The following AFG2A variants were observed in gnomAD, a reference collection of about 807,000 sequenced individuals.
AFG2A encodes the protein ATPase family gene 2 protein homolog A.
chr4:123,277,703 C>T, the AFG2A span, among the ~76,000 whole-genome samples: 1 of 152,056 alleles, frequency 6.6e-6, no homozygotes, highest in Non-Finnish European at 1.5e-5. Flanking sequence ...TGAATTTTAT[C>T]AAAAACGTTT....
chr4:123,169,652 T>C, the AFG2A span, among the ~76,000 whole-genome samples: 2 of 152,160 alleles, frequency 1.3e-5, no homozygotes, highest in African/African-American at 2.4e-5. Context: ...CTAATTTTTT[T>C]GTATTTTTAA....
At chr4:123,073,187 G>GA in the AFG2A span, among the ~76,000 whole-genome samples, 2 of 148,440 alleles carry the variant, frequency 1.3e-5, no homozygotes, top group East Asian at 3.9e-4. Flanking sequence ...TTTTTAAACT[G>GA]AAAAAAAATA....
At chr4:123,260,414 A>T in the AFG2A span, among the ~76,000 whole-genome samples, 111 of 152,336 alleles carry the variant, frequency 7.3e-4, no homozygotes, top group African/African-American at 2.4e-3. Flanking sequence ...CTTGACATTT[A>T]AAAAATCACC....
At chr4:123,069,548 A>G in the AFG2A span, among the ~76,000 whole-genome samples, 1 of 152,202 alleles carries the variant, frequency 6.6e-6, no homozygotes, top group Non-Finnish European at 1.5e-5. Context: ...TAGATTCAAG[A>G]AACCAAAGAA....
At chr4:123,061,361 G>A in the AFG2A span, among the ~76,000 whole-genome samples, 30 of 152,280 alleles carry the variant, frequency 2.0e-4, no homozygotes, top group African/African-American at 6.7e-4. Context: ...AAATACCCAA[G>A]ACTGGATAAT....
chr4:123,046,109 GA>G, the AFG2A span, among the ~76,000 whole-genome samples: 3 of 150,694 alleles, frequency 2.0e-5, no homozygotes, highest in Non-Finnish European at 3.0e-5. Flanking sequence ...AAAAAAAAAA[GA>G]AAGAAAGAAA....
chr4:123,095,288 C>T, the AFG2A span, among the ~76,000 whole-genome samples: 1 of 151,782 alleles, frequency 6.6e-6, no homozygotes, highest in Non-Finnish European at 1.5e-5. Context: ...CCCTGTGGAA[C>T]ATGAATTTTT....
chr4:123,056,283 T>G, the AFG2A span: 1 of 1,032,530 alleles, frequency 9.7e-7, no homozygotes. Flanking sequence ...AATAAGCAGA[T>G]TTTGTTTATT....
chr4:123,149,145 A>T, the AFG2A span, among the ~76,000 whole-genome samples: 3,233 of 152,304 alleles, frequency 0.021, 64 homozygotes, highest in Non-Finnish European at 0.035. Context: ...ATACTTAGTA[A>T]ATAAATTTGA....
chr4:123,020,369 G>T, the AFG2A span, among the ~76,000 whole-genome samples: 30 of 142,004 alleles, frequency 2.1e-4, no homozygotes, highest in Non-Finnish European at 4.3e-4. Flanking sequence ...TGTGTATGTG[G>T]TTTTTTTTTT....
chr4:122,959,536 T>C, the AFG2A span, among the ~76,000 whole-genome samples: 9 of 152,226 alleles, frequency 5.9e-5, no homozygotes, highest in African/African-American at 2.2e-4. Flanking sequence ...TTCCCTCTTC[T>C]GGACTGCCGC....
the AFG2A span, among the ~76,000 whole-genome samples, chr4:123,142,176 G>A: frequency 1.3e-5 from 2 of 152,104 alleles, no homozygotes; most frequent in Non-Finnish European, 2.9e-5. Flanking sequence ...ATTGTTTTTG[G>A]ATACTAATTA....
chr4:123,227,162 C>T, the AFG2A span, among the ~76,000 whole-genome samples: 1 of 152,134 alleles, frequency 6.6e-6, no homozygotes, highest in African/African-American at 2.4e-5. Flanking sequence ...AGAAAACCAG[C>T]TCCTGGATTC....
the AFG2A span, among the ~76,000 whole-genome samples, chr4:122,989,075 T>G: frequency 6.6e-6 from 1 of 152,234 alleles, no homozygotes; most frequent in Non-Finnish European, 1.5e-5. Context: ...GATTATTTTT[T>G]ATACTTATCT....
chr4:123,217,554 A>G, the AFG2A span, among the ~76,000 whole-genome samples: 1 of 152,238 alleles, frequency 6.6e-6, no homozygotes, highest in Admixed American at 6.5e-5. Flanking sequence ...TAAAAATAAA[A>G]AAGGAAAACT....
At chr4:123,077,189 A>G in the AFG2A span, among the ~76,000 whole-genome samples, 1 of 151,874 alleles carries the variant, frequency 6.6e-6, no homozygotes, top group Non-Finnish European at 1.5e-5. Flanking sequence ...CTAGGGCTAC[A>G]GGCGTATGCC....
chr4:123,057,223 A>G, the AFG2A span: 1 of 1,613,964 alleles, frequency 6.2e-7, no homozygotes, highest in South Asian at 1.1e-5. Flanking sequence ...TCCGAAAAGC[A>G]AGAGCAGTGG....
At chr4:123,279,979 TTAAG>T in the AFG2A span, among the ~76,000 whole-genome samples, 239 of 152,346 alleles carry the variant, frequency 1.6e-3, no homozygotes, top group Non-Finnish European at 2.3e-3. Flanking sequence ...TTTCTTTTAA[TTAAG>T]TTAGTTCGCA....
At chr4:123,091,791 G>T in the AFG2A span, among the ~76,000 whole-genome samples, 5 of 152,286 alleles carry the variant, frequency 3.3e-5, no homozygotes, top group East Asian at 9.6e-4. Flanking sequence ...TATCTAATAT[G>T]TAATATTTTA....
Sources: allele counts gnomAD v4.1 joint callset (sites outside exome capture counted in the v4.1 genomes callset), GRCh38; gene constraint gnomAD v4.1.1; transcripts MANE v1.5; gene names NCBI Gene and HGNC (gene_info 2026-07-23, HGNC 2026-07-21).